CUL3: variants seen among roughly 807,000 people sequenced by gnomAD.
CUL3 encodes cullin 3.
A neutral mutation model predicts 89.1 loss-of-function variants in CUL3; 19 were observed. That is an observed-to-expected ratio of 0.21 (90% CI 0.15 to 0.31). The LOEUF is 0.31. Among genes scored for constraint, CUL3 ranks in the 10% least tolerant of loss-of-function variants. CUL3 has a pLI of 1.00. For synonymous variants in CUL3, 351 were observed against 308.4 expected (o/e 1.14, Z -1.45); for missense variants, 469 against 942.3 (o/e 0.50, Z 6.58).
chr2:224,493,940 A>G (rs999276205), intron 13 of CUL3, among the ~76,000 whole-genome samples: 4 of 152,196 alleles, frequency 2.6e-5, no homozygotes, highest in Non-Finnish European at 5.9e-5. Context: ...CTCATGCTTG[A>G]AAATCAAGGT....
intron 1 of CUL3, among the ~76,000 whole-genome samples, chr2:224,582,285 A>G (rs193261431): frequency 6.6e-6 from 1 of 152,250 alleles, no homozygotes; most frequent in East Asian, 1.9e-4. Context: ...TCTTTACGGA[A>G]CACTAGGTAT....
rs2106132805 is a variant in CUL3, at chr2:224,474,250, C to A, written c.2302G>T (p.Ala768Ser). 6.2e-7 allele frequency: 1 copy of A among 1,613,472 alleles called. No individual in the cohort carries two copies. The highest frequency in any genetic ancestry group is 8.5e-7 in the Non-Finnish European group (1 of 1,179,666). ...PEDRKVYTYVA is the reference protein window; with the variant it reads ...PEDRKVYTYVS ...ATCAAATTTCTGAACGCATTTTATG[C>A]TACATATGTGTATACTTTGCGATCC... Residue 768 changes from alanine to serine, a missense_variant, in exon 16 of 16, where the codon GCA becomes TCA. Physicochemically the swap from Ala to Ser is moderately conservative, Grantham distance 99. Coordinates refer to ENST00000264414, the MANE Select transcript of CUL3 (RefSeq NM_003590.5).
Position 224,537,010 on chromosome 2 carries a change from C to T in CUL3, c.265-1369G>A, listed in dbSNP as rs1693924177. On this transcript the variant is annotated intron_variant, in intron 2 of 15. Coordinates refer to ENST00000264414, the MANE Select transcript of CUL3 (RefSeq NM_003590.5). ...ACACTAAACAAAACTTTTTTATCTC[C>T]AAATATCCTTTACCATAGAGAATTT... Among the ~76,000 whole-genome samples the T allele has an allele frequency of 2.0e-5, 3 of 152,162 alleles. No individual in the cohort carries two copies. The South Asian group carries it at 6.2e-4, about 32-fold the overall frequency.
chr2:224,501,701 A>G (rs2106191878), intron 10 of CUL3, among the ~76,000 whole-genome samples: 1 of 152,184 alleles, frequency 6.6e-6, no homozygotes, highest in South Asian at 2.1e-4. Flanking sequence ...CATAGAGGAG[A>G]CTCTTAGATG....
chr2:224,521,483 T>C (rs1200440759), intron 3 of CUL3, among the ~76,000 whole-genome samples: 2 of 151,462 alleles, frequency 1.3e-5, no homozygotes, highest in East Asian at 3.9e-4. Flanking sequence ...CAGGCTGGAG[T>C]GCAGTGGCAC....
chr2:224,542,571 G>GCA (rs1553532544), intron 2 of CUL3, among the ~76,000 whole-genome samples: 1 of 151,574 alleles, frequency 6.6e-6, no homozygotes, highest in African/African-American at 2.4e-5. Context: ...GTGTGTGTGT[G>GCA]CGCGCGCGCA....
In CUL3 at chr2:224,585,260, G is replaced by C. The variant is rs1695558560; in HGVS notation, c.-251C>G. 2 of 397,404 alleles carry C rather than the reference G, an allele frequency of 5.0e-6. No individual in the cohort carries two copies. The highest frequency in any genetic ancestry group is 3.6e-5 in the East Asian group (1 of 28,016). The allele number at this position is 397,404 out of a possible 1,614,324, so 24.6% of individuals were successfully genotyped here. On this transcript the variant is annotated 5_prime_UTR_variant, in exon 1 of 16. Transcript: ENST00000264414. Reference sequence around the variant, plus strand: ...TGCGCTGGCGCGGCGGCTCCGCGGGGTCCCCCTCACGTCCGGCTCGGCTCC... The same window carrying C: ...TGCGCTGGCGCGGCGGCTCCGCGGGCTCCCCCTCACGTCCGGCTCGGCTCC...
At chr2:224,522,435 T>C (rs540078051) in intron 3 of CUL3, among the ~76,000 whole-genome samples, 15 of 152,292 alleles carry the variant, frequency 9.8e-5, no homozygotes, top group Admixed American at 2.6e-4. Flanking sequence ...AATTAGTAAA[T>C]TGTACAGATA....
intron 9 of CUL3, among the ~76,000 whole-genome samples, chr2:224,503,282 T>C (rs1035271321): frequency 6.6e-6 from 1 of 152,172 alleles, no homozygotes; most frequent in Non-Finnish European, 1.5e-5. Flanking sequence ...TATACCCCCA[T>C]GAAAGGCAGG....
chr2:224,574,318 A>G (rs1483261298), intron 1 of CUL3, among the ~76,000 whole-genome samples: 1 of 152,184 alleles, frequency 6.6e-6, no homozygotes, highest in Non-Finnish European at 1.5e-5. Flanking sequence ...TTCAACTTTA[A>G]AACTGAATTT....
chr2:224,556,970 AC>A (rs1251309969), intron 2 of CUL3, among the ~76,000 whole-genome samples: 1 of 152,050 alleles, frequency 6.6e-6, no homozygotes, highest in East Asian at 1.9e-4. Flanking sequence ...AAAAATAAAT[AC>A]CCCAATACCA....
At position 224,584,923 on chromosome 2, in the gene CUL3, G is replaced by C. The variant is rs1208384314; in HGVS notation, c.66+21C>G. Reference sequence around the variant, plus strand: ...GCCCGGCCCCCGGCCCCGGGGTCCCGGACGCCGAGGAGAGACTCACCGGAA... The same window carrying C: ...GCCCGGCCCCCGGCCCCGGGGTCCCCGACGCCGAGGAGAGACTCACCGGAA... On this transcript the variant is annotated intron_variant, in intron 1 of 15. Transcript: ENST00000264414. 7.6e-6 allele frequency: 11 copies of C among 1,455,492 alleles called. No homozygotes were observed. In the East Asian group the frequency reaches 3.1e-4, roughly 40 times the overall value. 90.2% of individuals were successfully genotyped at this position (1,455,492 alleles called of 1,614,324 possible).
At chr2:224,519,639 A>G (rs1437938167) in intron 3 of CUL3, among the ~76,000 whole-genome samples, 1 of 152,216 alleles carries the variant, frequency 6.6e-6, no homozygotes, top group Non-Finnish European at 1.5e-5. Flanking sequence ...TAGTAATACT[A>G]AATAATCATT....
intron 3 of CUL3, among the ~76,000 whole-genome samples, chr2:224,519,487 C>G (rs1371110124): frequency 1.3e-5 from 2 of 152,070 alleles, no homozygotes; most frequent in Admixed American, 1.3e-4. Flanking sequence ...CAACTTGAGA[C>G]TGTCAAGATG....
intron 3 of CUL3, chr2:224,533,085 C>T (rs999976183): frequency 2.9e-4 from 44 of 152,276 alleles, no homozygotes; most frequent in African/African-American, 1.0e-3. Flanking sequence ...ACTGCTGGAG[C>T]AAGCTGACTA....
chr2:224,549,263 G>A (rs1694419368), intron 2 of CUL3, among the ~76,000 whole-genome samples: 1 of 151,246 alleles, frequency 6.6e-6, no homozygotes, highest in South Asian at 2.1e-4. Context: ...ATTGCAGTGA[G>A]CCAAGATGGC....
In CUL3 at chr2:224,485,829, C is replaced by G. The variant is rs1234335631; in HGVS notation, c.1843-3751G>C. Among the ~76,000 whole-genome samples, 2 of 152,218 alleles carry G rather than the reference C, an allele frequency of 1.3e-5. No homozygotes were observed. The highest frequency in any genetic ancestry group is 4.8e-5 in the African/African-American group (2 of 41,462). Reference sequence around the variant, plus strand: ...CTCCCTGACAGGAGACACCTCCCAGCAGGGGTCAACAGACACCTCATACAG... The same window carrying G: ...CTCCCTGACAGGAGACACCTCCCAGGAGGGGTCAACAGACACCTCATACAG... On this transcript the variant is annotated intron_variant, in intron 13 of 15. Transcript: ENST00000264414. This position sits in a 1 kb window ranked among gnomAD's most constrained non-coding sequence, Gnocchi z 4.1.
At chr2:224,509,785 C>T (rs1395590326) in intron 6 of CUL3, among the ~76,000 whole-genome samples, 1 of 152,208 alleles carries the variant, frequency 6.6e-6, no homozygotes, top group Non-Finnish European at 1.5e-5. Context: ...TCATTCAATA[C>T]CTAAACAGTA....
In CUL3 at chr2:224,506,955, T is replaced by C; in HGVS notation, c.932A>G (p.Lys311Arg). ...KLFSRVPNGL[K>R]TMCECMSSYL... The stretch of plus-strand genomic sequence containing the variant: ...GGAACTCATACACTCACACATTGTT[T>C]TCAAACCATTTGGCACACGACTAAA... Residue 311 changes from lysine to arginine, a missense_variant, in exon 7 of 16, where the codon AAA becomes AGA. This residue lies in a region of CUL3 where 370 missense variants were observed against 733.2 expected (regional missense o/e 0.50). Coordinates refer to ENST00000264414, the MANE Select transcript of CUL3 (RefSeq NM_003590.5). 6.2e-7 allele frequency: 1 copy of C among 1,613,638 alleles called. No homozygotes were observed. The highest frequency in any genetic ancestry group is 8.5e-7 in the Non-Finnish European group (1 of 1,179,722).
Sources: allele counts gnomAD v4.1 joint callset (sites outside exome capture counted in the v4.1 genomes callset), GRCh38; gene constraint gnomAD v4.1.1; regional missense constraint gnomAD v4.1.1; non-coding constraint Gnocchi (gnomAD v3.1); transcripts MANE v1.5; gene names NCBI Gene and HGNC (gene_info 2026-07-23, HGNC 2026-07-21).